ARFGEF1: variants seen among roughly 807,000 people sequenced by gnomAD.
The protein encoded by ARFGEF1 is brefeldin A-inhibited guanine nucleotide-exchange protein 1.
In ARFGEF1, 42 loss-of-function variants were observed where a neutral mutation model predicts 231.0. The ratio of observed to expected loss-of-function variants is 0.18; its 90% CI spans 0.14 to 0.24. The LOEUF (loss-of-function observed/expected upper bound fraction) is 0.24. ARFGEF1 is among the 10% of genes least tolerant of loss of function. The pLI is 1.00. For synonymous variants in ARFGEF1, 710 were observed against 732.3 expected (o/e 0.97, Z 0.49); for missense variants, 1,345 against 2,192.0 (o/e 0.61, Z 7.72).
intron 29 of ARFGEF1, among the ~76,000 whole-genome samples, chr8:67,221,278 G>A (rs557109376): frequency 1.8e-4 from 28 of 152,260 alleles, no homozygotes; most frequent in Non-Finnish European, 2.2e-4. Context: ...CCTCAAGCAG[G>A]TCCTTCAGTA....
chr8:67,297,500 A>G (rs1335930734), intron 4 of ARFGEF1, among the ~76,000 whole-genome samples: 1 of 152,176 alleles, frequency 6.6e-6, no homozygotes, highest in Non-Finnish European at 1.5e-5. Flanking sequence ...GGATCATTTG[A>G]GTCAGGGAGG....
At chr8:67,331,418 C>T (rs1378410523) in intron 1 of ARFGEF1, among the ~76,000 whole-genome samples, 2 of 152,076 alleles carry the variant, frequency 1.3e-5, no homozygotes, top group East Asian at 1.9e-4. Context: ...AGGTGTATTT[C>T]ACTCTTCTAC....
intron 1 of ARFGEF1, among the ~76,000 whole-genome samples, chr8:67,303,052 T>G (rs1206974520): frequency 6.6e-6 from 1 of 151,368 alleles, no homozygotes; most frequent in Non-Finnish European, 1.5e-5. Flanking sequence ...CTATAACCAC[T>G]AGACTCCACT....
At chr8:67,330,099 C>T (rs1191910775) in intron 1 of ARFGEF1, among the ~76,000 whole-genome samples, 1 of 151,862 alleles carries the variant, frequency 6.6e-6, no homozygotes, top group African/African-American at 2.4e-5. Flanking sequence ...CAAGAAAAAG[C>T]AATCAAACAA....
chr8:67,339,624 T>C (rs1051642847), intron 1 of ARFGEF1, among the ~76,000 whole-genome samples: 2 of 151,646 alleles, frequency 1.3e-5, no homozygotes, highest in East Asian at 1.9e-4. Flanking sequence ...GGCCAGACTA[T>C]TTTTAAGTCA....
chr8:67,237,843 T>G (rs1408746688), intron 22 of ARFGEF1, among the ~76,000 whole-genome samples: 1 of 151,924 alleles, frequency 6.6e-6, no homozygotes, highest in Non-Finnish European at 1.5e-5. Context: ...GACTAAAAAA[T>G]GTATTGCTTT....
At chr8:67,214,619 A>G (rs1563840883) in intron 33 of ARFGEF1, among the ~76,000 whole-genome samples, 1 of 152,232 alleles carries the variant, frequency 6.6e-6, no homozygotes, top group East Asian at 1.9e-4. Flanking sequence ...TTAGGTATAT[A>G]TCTAGTGGAG....
downstream of ARFGEF1, among the ~76,000 whole-genome samples, chr8:67,196,631 A>C (rs964767736): frequency 6.6e-6 from 1 of 152,188 alleles, no homozygotes; most frequent in African/African-American, 2.4e-5. Context: ...GCTACTTGTA[A>C]ATTTTTATTT....
At chr8:67,281,831 A>G (rs572883480) in intron 7 of ARFGEF1, among the ~76,000 whole-genome samples, 1 of 152,186 alleles carries the variant, frequency 6.6e-6, no homozygotes, top group South Asian at 2.1e-4. Flanking sequence ...TATTATCAAA[A>G]CTAAACCAAA....
chr8:67,195,693 CT>C (rs1398251083), downstream of ARFGEF1: 14 of 892,756 alleles, frequency 1.6e-5, no homozygotes, highest in Admixed American at 2.6e-5. Flanking sequence ...CTGAAAGTTA[CT>C]TTTTTTCCAT....
At chr8:67,223,126 A>G (rs560443709) in intron 29 of ARFGEF1, among the ~76,000 whole-genome samples, 2 of 152,338 alleles carry the variant, frequency 1.3e-5, no homozygotes, top group South Asian at 4.1e-4. Context: ...TTTATCCCCA[A>G]ATCTAGAGAA....
chr8:67,288,197 A>T, intron 6 of ARFGEF1, 132 bp from the exon 7 acceptor site: 1 of 514,638 alleles, frequency 1.9e-6, no homozygotes, highest in East Asian at 3.3e-5. Flanking sequence ...ACATGAAATT[A>T]GAAGCAATTA....
chr8:67,228,827 A>G (rs1172772762), intron 23 of ARFGEF1, among the ~76,000 whole-genome samples: 4 of 152,074 alleles, frequency 2.6e-5, no homozygotes, highest in Non-Finnish European at 5.9e-5. Context: ...AGCTTTGCCC[A>G]TTCTTCTTTG....
chr8:67,257,889 A>G, intron 16 of ARFGEF1, 73 bp from the exon 17 acceptor site: 1 of 1,319,706 alleles, frequency 7.6e-7, no homozygotes. Context: ...GTCACCTCAA[A>G]TCCCATAGCA....
intron 1 of ARFGEF1, among the ~76,000 whole-genome samples, chr8:67,342,091 C>G (rs944342828): frequency 6.6e-6 from 1 of 152,194 alleles, no homozygotes; most frequent in African/African-American, 2.4e-5. Flanking sequence ...TTTCCCCTTT[C>G]AAGAATGCTT....
chr8:67,205,094 G>A (rs1486283877), intron 34 of ARFGEF1, among the ~76,000 whole-genome samples: 1 of 152,150 alleles, frequency 6.6e-6, no homozygotes, highest in African/African-American at 2.4e-5. Context: ...GGACAGCTTT[G>A]AATGCAGCCC....
intron 6 of ARFGEF1, among the ~76,000 whole-genome samples, chr8:67,291,163 T>C (rs1462048406): frequency 1.3e-5 from 2 of 152,110 alleles, no homozygotes; most frequent in African/African-American, 4.8e-5. Context: ...ACCAACTCCC[T>C]GGTAGTTTCA....
intron 6 of ARFGEF1, among the ~76,000 whole-genome samples, chr8:67,290,473 T>A (rs1233892550): frequency 3.9e-5 from 6 of 152,218 alleles, no homozygotes; most frequent in Non-Finnish European, 8.8e-5. Context: ...AGAATTACTT[T>A]GTGCATGGCA....
intron 1 of ARFGEF1, among the ~76,000 whole-genome samples, chr8:67,323,266 C>A (rs1323156190): frequency 2.0e-5 from 3 of 151,898 alleles, no homozygotes; most frequent in East Asian, 1.9e-4. Flanking sequence ...ACAACAACAA[C>A]AAAAAAGCAA....
Sources: allele counts gnomAD v4.1 joint callset (sites outside exome capture counted in the v4.1 genomes callset), GRCh38; gene constraint gnomAD v4.1.1; transcripts MANE v1.5; gene names NCBI Gene and HGNC (gene_info 2026-07-23, HGNC 2026-07-21).